The following BMPER variants were observed in gnomAD, a reference collection of about 807,000 sequenced individuals.
BMPER encodes the protein BMP binding endothelial regulator.
BMPER carries 45 observed loss-of-function variants against 87.3 expected under a neutral mutation model. The observed-to-expected ratio is 0.52, with a 90% CI of 0.41 to 0.66. BMPER has a LOEUF of 0.66. Among genes scored for constraint, BMPER ranks in the 30% least tolerant of loss-of-function variants. The pLI, the probability that BMPER is intolerant of heterozygous loss-of-function variation, is 0.00. For synonymous variants in BMPER, 326 were observed against 316.2 expected, an observed-to-expected ratio of 1.03 and a Z score of -0.33; for missense variants, 784 against 867.5, an observed-to-expected ratio of 0.90 and a Z score of 1.21.
intron 6 of BMPER, among the ~76,000 whole-genome samples, chr7:33,979,496 C>T (rs1011873874): frequency 6.6e-6 from 1 of 152,028 alleles, no homozygotes; most frequent in African/African-American, 2.4e-5. Flanking sequence ...CTGGCAGGCG[C>T]TCAGCAATGT....
At chr7:33,979,328 A>T (rs1785780595) in intron 6 of BMPER, among the ~76,000 whole-genome samples, 2 of 150,750 alleles carry the variant, frequency 1.3e-5, no homozygotes, top group South Asian at 4.2e-4. Flanking sequence ...TGATCTTTCC[A>T]AGTCTGTTAC....
At chr7:34,113,703 A>G (rs1285373479) in intron 13 of BMPER, among the ~76,000 whole-genome samples, 1 of 152,074 alleles carries the variant, frequency 6.6e-6, no homozygotes, top group Non-Finnish European at 1.5e-5. Context: ...TTGTATATCT[A>G]TTTCATGGGC....
intron 6 of BMPER, among the ~76,000 whole-genome samples, chr7:34,045,482 G>A (rs1585771550): frequency 6.6e-6 from 1 of 152,256 alleles, no homozygotes; most frequent in Admixed American, 6.5e-5. Context: ...AGTGGATGTT[G>A]GAGGTATGGA....
At chr7:34,074,998 T>A (rs978893818) in intron 11 of BMPER, among the ~76,000 whole-genome samples, 4 of 148,772 alleles carry the variant, frequency 2.7e-5, no homozygotes, top group African/African-American at 4.9e-5. Context: ...TAGAGTTTAC[T>A]CAGTTTCTCT....
At chr7:34,111,248 T>A (rs1248435746) in intron 13 of BMPER, among the ~76,000 whole-genome samples, 1 of 152,232 alleles carries the variant, frequency 6.6e-6, no homozygotes, top group Non-Finnish European at 1.5e-5. Flanking sequence ...AATTTTTTGG[T>A]TCTAGATTAT....
intron 3 of BMPER, among the ~76,000 whole-genome samples, chr7:33,940,522 C>T (rs1784725610): frequency 6.6e-6 from 1 of 152,124 alleles, no homozygotes; most frequent in African/African-American, 2.4e-5. Flanking sequence ...GTTTGGCCTC[C>T]CAAGGAATCC....
chr7:34,052,328 C>T (rs192202359), intron 8 of BMPER, among the ~76,000 whole-genome samples: 9 of 152,286 alleles, frequency 5.9e-5, no homozygotes, highest in African/African-American at 2.2e-4. Flanking sequence ...CTTTTAATCA[C>T]ATTCAAGAGA....
At chr7:33,919,460 T>G (rs1290520565) in intron 2 of BMPER, among the ~76,000 whole-genome samples, 1 of 152,184 alleles carries the variant, frequency 6.6e-6, no homozygotes, top group African/African-American at 2.4e-5. Context: ...TCTCAATCTG[T>G]GAACCTCCAA....
At chr7:34,082,777 G>A (rs1424563774) in intron 12 of BMPER, among the ~76,000 whole-genome samples, 1 of 152,204 alleles carries the variant, frequency 6.6e-6, no homozygotes, top group East Asian at 1.9e-4. Context: ...CAGTAGTAAA[G>A]ACGTTGGAAA....
At chr7:34,051,128 G>A (rs1320171262) in intron 7 of BMPER, among the ~76,000 whole-genome samples, 1 of 152,130 alleles carries the variant, frequency 6.6e-6, no homozygotes, top group African/African-American at 2.4e-5. Flanking sequence ...TCACGTCGTG[G>A]TGAGGGTTCT....
intron 6 of BMPER, among the ~76,000 whole-genome samples, chr7:34,025,114 G>A (rs1787322540): frequency 6.6e-6 from 1 of 152,116 alleles, no homozygotes; most frequent in African/African-American, 2.4e-5. Flanking sequence ...ATGTAGTCAT[G>A]TAATTGCTGT....
At chr7:33,920,091 G>A (rs1053180927) in intron 2 of BMPER, among the ~76,000 whole-genome samples, 10 of 152,164 alleles carry the variant, frequency 6.6e-5, no homozygotes, top group Admixed American at 2.0e-4. Context: ...ATAAAATGGA[G>A]CCTGAACACT....
At chr7:33,953,388 T>G (rs1381692704) in intron 3 of BMPER, among the ~76,000 whole-genome samples, 2 of 152,232 alleles carry the variant, frequency 1.3e-5, no homozygotes, top group Admixed American at 6.5e-5. Flanking sequence ...TGGAAGTAGA[T>G]GGGGAATCAA....
chr7:34,140,560 G>T (rs1562768858), intron 13 of BMPER, among the ~76,000 whole-genome samples: 1 of 152,196 alleles, frequency 6.6e-6, no homozygotes, highest in Non-Finnish European at 1.5e-5. Flanking sequence ...GATTGTGTCT[G>T]TGGAGACAGA....
intron 6 of BMPER, among the ~76,000 whole-genome samples, chr7:33,984,119 T>C (rs1368577096): frequency 6.6e-6 from 1 of 152,158 alleles, no homozygotes; most frequent in African/African-American, 2.4e-5. Context: ...GAAAATGTGA[T>C]AGTTTCCGGG....
rs967143964 is a variant in BMPER at position 34,112,743 on chromosome 7, A to C, written c.1745+26651A>C. ...ATTTTAAATGCCTGTATAATATTTTATTTTTTCTTTTTTTCTTCATATATT... is the reference window on the plus strand; with the variant it reads ...ATTTTAAATGCCTGTATAATATTTTCTTTTTTCTTTTTTTCTTCATATATT... On this transcript the variant is annotated intron_variant, in intron 13 of 14. Transcript: ENST00000649409. Among the ~76,000 whole-genome samples, 13 of 151,746 alleles carry C rather than the reference A, an allele frequency of 8.6e-5. No individual in the cohort carries two copies. In the South Asian group the frequency reaches 1.2e-3, roughly 15 times the overall value.
chr7:33,911,832 G>A (rs114648612), intron 2 of BMPER, among the ~76,000 whole-genome samples: 2 of 152,318 alleles, frequency 1.3e-5, no homozygotes, highest in African/African-American at 4.8e-5. Context: ...TTTTATTGCT[G>A]TTGTTGATGA....
intron 6 of BMPER, among the ~76,000 whole-genome samples, chr7:34,018,012 G>C (rs1287959240): frequency 6.7e-6 from 1 of 149,592 alleles, no homozygotes; most frequent in Non-Finnish European, 1.5e-5. Flanking sequence ...TTATGAATAA[G>C]TATTGGGCAA....
chr7:34,014,453 C>T (rs141714302), intron 6 of BMPER, among the ~76,000 whole-genome samples: 2 of 152,028 alleles, frequency 1.3e-5, no homozygotes, highest in Non-Finnish European at 2.9e-5. Context: ...TGAATGCATG[C>T]GAGGCCACCC....
Sources: gnomAD v4.1 joint callset for allele counts (sites outside exome capture counted in the v4.1 genomes callset) on GRCh38, gnomAD v4.1.1 for gene constraint, MANE v1.5 for transcripts, NCBI Gene and HGNC (gene_info 2026-07-23, HGNC 2026-07-21) for gene names.